Variants in WDFY1 observed in about 807,000 individuals in gnomAD.
WDFY1 encodes the protein WD repeat and FYVE domain containing 1.
Under a neutral mutation model 56.4 loss-of-function variants are expected in WDFY1, and 32 were observed. The ratio of observed to expected loss-of-function variants is 0.57; its 90% CI spans 0.43 to 0.76. The LOEUF is 0.76. Among genes scored for constraint, WDFY1 ranks in the 30% least tolerant of loss-of-function variants. The pLI, the probability that WDFY1 is intolerant of heterozygous loss-of-function variation, is 0.00. For synonymous variants in WDFY1, 192 were observed against 197.3 expected (o/e 0.97, Z 0.23); for missense variants, 480 against 545.7 (o/e 0.88, Z 1.20).
intron 3 of WDFY1, among the ~76,000 whole-genome samples, chr2:223,906,853 T>A (rs2106085769): frequency 6.6e-6 from 1 of 151,628 alleles, no homozygotes; most frequent in Non-Finnish European, 1.5e-5. Flanking sequence ...CTTTATAACT[T>A]GGAAAAGAAA....
At chr2:223,923,781 T>C (rs1230880882) in intron 1 of WDFY1, among the ~76,000 whole-genome samples, 4 of 152,050 alleles carry the variant, frequency 2.6e-5, no homozygotes, top group African/African-American at 9.7e-5. Flanking sequence ...AATAAATAAA[T>C]AAACCGTCTA....
intron 8 of WDFY1, 109 bp from the exon 9 acceptor site, chr2:223,884,858 T>TATTA: frequency 2.6e-6 from 2 of 779,354 alleles, no homozygotes; most frequent in Non-Finnish European, 3.7e-6. Context: ...TTTCTTTTCT[T>TATTA]CTTTTTTTTT....
chr2:223,932,404 G>A (rs918544497), intron 1 of WDFY1, among the ~76,000 whole-genome samples: 1 of 152,192 alleles, frequency 6.6e-6, no homozygotes, highest in Non-Finnish European at 1.5e-5. Flanking sequence ...TTACAGGCAT[G>A]AGCCATGGCG....
chr2:223,915,201 A>T (rs1693767765), intron 2 of WDFY1, among the ~76,000 whole-genome samples: 1 of 152,258 alleles, frequency 6.6e-6, no homozygotes, highest in Admixed American at 6.5e-5. Context: ...GCAATAAAGA[A>T]GCATCTAGAA....
At chr2:223,933,725 G>A (rs906346124) in intron 1 of WDFY1, among the ~76,000 whole-genome samples, 1 of 151,960 alleles carries the variant, frequency 6.6e-6, no homozygotes, top group Admixed American at 6.6e-5. Flanking sequence ...GGCAGACTGA[G>A]GCTGGAGGAT....
chr2:223,938,907 T>G (rs1574784212), intron 1 of WDFY1, among the ~76,000 whole-genome samples: 1 of 145,652 alleles, frequency 6.9e-6, no homozygotes, highest in African/African-American at 2.6e-5. Flanking sequence ...CAGGCTGGAG[T>G]GCAGTGGCAC....
intron 8 of WDFY1, among the ~76,000 whole-genome samples, chr2:223,889,645 G>A (rs1693233593): frequency 6.6e-6 from 1 of 152,150 alleles, no homozygotes; most frequent in Non-Finnish European, 1.5e-5. Context: ...CCAGCCATGT[G>A]GAATTGTAAG....
intron 3 of WDFY1, among the ~76,000 whole-genome samples, chr2:223,909,888 G>A (rs1693663577): frequency 6.6e-6 from 1 of 152,122 alleles, no homozygotes; most frequent in Non-Finnish European, 1.5e-5. Flanking sequence ...GGTGATCTTC[G>A]AAAAATGTAA....
intron 8 of WDFY1, among the ~76,000 whole-genome samples, chr2:223,890,564 A>G (rs1478583022): frequency 1.3e-5 from 2 of 152,238 alleles, no homozygotes; most frequent in African/African-American, 2.4e-5. Context: ...CTGTAAGCTA[A>G]CATGAGCCAT....
rs112654581 is a variant in WDFY1, at chr2:223,924,228, T to C, written c.138-6218A>G. ...CCATTCCTGTGGAGGGCTTCTACCA[T>C]CTATCTCCTCTGCACTTTTAGAGAA... is the stretch of plus-strand genomic sequence containing the variant. On this transcript the variant is annotated intron_variant, in intron 1 of 11. Transcript: ENST00000233055. 2.8e-3 allele frequency among the ~76,000 whole-genome samples: 432 copies of C among 152,342 alleles called. 4 individuals carry two copies. The highest frequency in any genetic ancestry group is 0.01 in the African/African-American group (418 of 41,580).
At chr2:223,894,391 A>C in intron 7 of WDFY1, 52 bp from the exon 8 acceptor site, 1 of 1,588,264 alleles carries the variant, frequency 6.3e-7, no homozygotes, top group Non-Finnish European at 8.6e-7. Flanking sequence ...AAAACACAGG[A>C]ACTGTCTTCA....
intron 4 of WDFY1, among the ~76,000 whole-genome samples, chr2:223,905,683 C>CA (rs376182287): frequency 3.5e-4 from 51 of 146,442 alleles, no homozygotes; most frequent in Admixed American, 5.4e-4. Flanking sequence ...TGTGTGTTAT[C>CA]AAAAAAAAAA....
intron 1 of WDFY1, among the ~76,000 whole-genome samples, chr2:223,930,661 A>T (rs1694058893): frequency 6.6e-6 from 1 of 152,174 alleles, no homozygotes; most frequent in African/African-American, 2.4e-5. Flanking sequence ...CGCTATGTTT[A>T]AAAAAATGTG....
intron 8 of WDFY1, among the ~76,000 whole-genome samples, chr2:223,890,215 T>C (rs1392606331): frequency 6.6e-6 from 1 of 152,196 alleles, no homozygotes; most frequent in Non-Finnish European, 1.5e-5. Context: ...CTCACATCTG[T>C]AATCCCAGCA....
chr2:223,904,461 C>T (rs1047493211), intron 4 of WDFY1, among the ~76,000 whole-genome samples: 1 of 152,266 alleles, frequency 6.6e-6, no homozygotes, highest in African/African-American at 2.4e-5. Flanking sequence ...CCATGTTGGC[C>T]AGGCTGGCCT....
At chr2:223,880,886 C>T (rs984159479) in intron 10 of WDFY1, among the ~76,000 whole-genome samples, 5 of 152,066 alleles carry the variant, frequency 3.3e-5, no homozygotes, top group African/African-American at 1.2e-4. Flanking sequence ...AGAGAGCTGC[C>T]GTTTTCCCTG....
intron 1 of WDFY1, among the ~76,000 whole-genome samples, chr2:223,927,418 C>G (rs1694002038): frequency 6.6e-6 from 1 of 152,226 alleles, no homozygotes; most frequent in African/African-American, 2.4e-5. Context: ...TCACTTTGCA[C>G]TTTTATGTTA....
chr2:223,891,403 A>C (rs1693274802), intron 8 of WDFY1, among the ~76,000 whole-genome samples: 1 of 150,826 alleles, frequency 6.6e-6, no homozygotes, highest in African/African-American at 2.4e-5. Context: ...AAAGCCCAAA[A>C]ATCCTAAGGC....
At chr2:223,941,099 A>G (rs753943762) in intron 1 of WDFY1, among the ~76,000 whole-genome samples, 2 of 151,700 alleles carry the variant, frequency 1.3e-5, no homozygotes, top group African/African-American at 2.4e-5. Flanking sequence ...TGGAATTACA[A>G]GTGTGAGCCA....
Sources: gnomAD v4.1 joint callset for allele counts (sites outside exome capture counted in the v4.1 genomes callset) on GRCh38, gnomAD v4.1.1 for gene constraint, MANE v1.5 for transcripts, NCBI Gene and HGNC (gene_info 2026-07-23, HGNC 2026-07-21) for gene names.